Variants in COL27A1 observed in about 807,000 individuals in gnomAD.
The protein encoded by COL27A1 is collagen type XXVII alpha 1 chain, also known as collagen alpha-1(XXVII) chain.
COL27A1 carries 106 observed loss-of-function variants against 251.3 expected under a neutral mutation model. The ratio of observed to expected loss-of-function variants is 0.42; its 90% CI spans 0.36 to 0.50. The LOEUF (loss-of-function observed/expected upper bound fraction) is 0.50. Ranked by LOEUF, COL27A1 falls within the 20% of genes least tolerant of loss-of-function variation. The probability of loss-of-function intolerance (pLI) is 0.00; values close to 1 mark genes in which losing one functional copy is unlikely to be tolerated. For missense variants in COL27A1, 2,325 were observed against 2,522.8 expected, an observed-to-expected ratio of 0.92 and a Z score of 1.68; for synonymous variants, 1,000 against 986.3, an observed-to-expected ratio of 1.01 and a Z score of -0.26.
At chr9:114,184,301 T>C (rs1324939060) in intron 5 of COL27A1, among the ~76,000 whole-genome samples, 2 of 152,360 alleles carry the variant, frequency 1.3e-5, no homozygotes, top group African/African-American at 4.8e-5. Flanking sequence ...CTCCAGGCCA[T>C]GCACAGTGAG....
chr9:114,243,515 T>C lies in COL27A1; in HGVS notation c.2889T>C (p.Pro963=), dbSNP rs958806026. 1.2e-6 allele frequency: 2 copies of C among 1,613,872 alleles called. No individual in the cohort carries two copies. Among genetic ancestry groups the C allele is most frequent in the African/African-American group, 1.3e-5 (1 of 74,916 alleles). The stretch of plus-strand genomic sequence containing the variant: ...CTGTCTCTCTGTTGCAGGGTCAGCC[T>C]GGCAGGAAGGGGTTTCCTGGGAGGC... ...PPGAPGLEGQ[P]GRKGFPGRPG... is the part of the protein sequence containing the mutation. Residue 963 remains proline (P), a synonymous_variant, in exon 23 of 61, where the codon CCT becomes CCC. Coordinates refer to ENST00000356083, the MANE Select transcript of COL27A1 (RefSeq NM_032888.4).
intron 36 of COL27A1, among the ~76,000 whole-genome samples, chr9:114,275,299 G>A (rs546102794): frequency 3.9e-5 from 6 of 152,108 alleles, no homozygotes; most frequent in Non-Finnish European, 5.9e-5. Flanking sequence ...TAAGACTCTT[G>A]TTCTCCCAAT....
chr9:114,270,744 AGGGTGACAGT>A lies in COL27A1; in HGVS notation c.3575_3584del (p.Gly1192AlafsTer8). 6.2e-7 allele frequency: 1 copy of A among 1,612,958 alleles called. No individual in the cohort carries two copies. ...CTTTTCCAGGGAGAGCCAGGCCTTG[AGGGTGACAGT>A]GGCCCCATGGGACCTGATGGGCTGA... On this transcript the variant is annotated frameshift_variant, in exon 36 of 61. Transcript: ENST00000356083. LOFTEE classifies it high-confidence loss of function.
chr9:114,277,367 G>A (rs780359973), intron 37 of COL27A1, among the ~76,000 whole-genome samples: 10 of 152,096 alleles, frequency 6.6e-5, no homozygotes, highest in Non-Finnish European at 1.2e-4. Flanking sequence ...AGTCTCCCTG[G>A]GGTGTCATTT....
At chr9:114,288,588 G>A (rs914700737) in intron 42 of COL27A1, 77 bp downstream of exon 42, 43 of 1,544,148 alleles carry the variant, frequency 2.8e-5, no homozygotes, top group Non-Finnish European at 3.3e-5. Flanking sequence ...AGAGGGGTGG[G>A]CCGATCAGGG....
chr9:114,277,717 T>A (rs890649896), intron 37 of COL27A1, among the ~76,000 whole-genome samples: 2 of 152,144 alleles, frequency 1.3e-5, no homozygotes, highest in African/African-American at 4.8e-5. Flanking sequence ...AAGGGGAATT[T>A]AGCAGGAGGG....
chr9:114,279,368 C>G (rs1564564065), intron 37 of COL27A1, among the ~76,000 whole-genome samples: 1 of 152,234 alleles, frequency 6.6e-6, no homozygotes, highest in Non-Finnish European at 1.5e-5. Flanking sequence ...AATGAGAACA[C>G]AGCACATGGC....
intron 49 of COL27A1, among the ~76,000 whole-genome samples, chr9:114,295,646 T>C (rs1701627644): frequency 6.6e-6 from 1 of 151,782 alleles, no homozygotes; most frequent in Admixed American, 6.6e-5. Flanking sequence ...TACGGACAAC[T>C]GGTTTTTTTT....
chr9:114,262,896 C>T (rs544986921), intron 28 of COL27A1, among the ~76,000 whole-genome samples: 1 of 150,504 alleles, frequency 6.6e-6, no homozygotes, highest in Non-Finnish European at 1.5e-5. Flanking sequence ...GTGGAATTTT[C>T]ACTTTGTTGG....
chr9:114,261,060 G>A (rs1399147559), intron 28 of COL27A1, among the ~76,000 whole-genome samples: 2 of 152,214 alleles, frequency 1.3e-5, no homozygotes, highest in Non-Finnish European at 2.9e-5. Flanking sequence ...AAACGGGTTG[G>A]CAACAGAACA....
At chr9:114,208,858 T>C (rs1395566182) in intron 10 of COL27A1, among the ~76,000 whole-genome samples, 1 of 151,708 alleles carries the variant, frequency 6.6e-6, no homozygotes, top group Non-Finnish European at 1.5e-5. Context: ...CTTTGAAGGA[T>C]TTGGCTCAGA....
At chr9:114,304,814 C>A in intron 57 of COL27A1, 141 bp downstream of exon 57, 2 of 704,576 alleles carry the variant, frequency 2.8e-6, no homozygotes, top group South Asian at 3.5e-5. Context: ...CTCGCATCCA[C>A]AAATGGGGGT....
chr9:114,266,923 T>C (rs1054315908), intron 33 of COL27A1, among the ~76,000 whole-genome samples: 2 of 152,140 alleles, frequency 1.3e-5, no homozygotes, highest in African/African-American at 4.8e-5. Context: ...CTTCCCAACC[T>C]TGACCTTGCT....
intron 16 of COL27A1, among the ~76,000 whole-genome samples, chr9:114,234,684 C>G (rs999694092): frequency 6.6e-6 from 1 of 152,178 alleles, no homozygotes; most frequent in Non-Finnish European, 1.5e-5. Flanking sequence ...AAGACAAACA[C>G]CCAGACTTAA....
At chr9:114,194,557 GCAAAGGCAGGGAGGTGGGAA>G in intron 6 of COL27A1, 100 bp downstream of exon 6, 2 of 1,050,288 alleles carry the variant, frequency 1.9e-6, no homozygotes, top group Non-Finnish European at 2.9e-6. Context: ...GCCATGCATG[GCAAAGGCAGGGAGGTGGGAA>G]CATCTGGAAG....
intron 5 of COL27A1, among the ~76,000 whole-genome samples, chr9:114,184,144 C>T (rs1828151195): frequency 6.6e-6 from 1 of 152,184 alleles, no homozygotes; most frequent in Non-Finnish European, 1.5e-5. Flanking sequence ...GCTCCTGACT[C>T]AGGGGCCTCC....
intron 41 of COL27A1, 123 bp from the exon 42 acceptor site, chr9:114,288,332 T>C (rs1028195446): frequency 4.0e-6 from 4 of 989,742 alleles, no homozygotes; most frequent in Non-Finnish European, 6.3e-6. Flanking sequence ...CTCTCTAGTT[T>C]GTGTCCCCAT....
rs138119695 is a variant in COL27A1, at chr9:114,277,228, G to A, written c.3717+1460G>A. ...TTGTGTGACCCAGGAGTGCTGGGTC[G>A]GTTCAGTTGAACTCCTTGGGACCCG... On this transcript the variant is annotated intron_variant, in intron 37 of 60. Transcript: ENST00000356083. 5.0e-4 allele frequency among the ~76,000 whole-genome samples: 76 copies of A among 152,138 alleles called. 1 individual carries two copies. Among genetic ancestry groups the A allele is most frequent in the East Asian group, 4.5e-3 (23 of 5,168 alleles).
At position 114,206,291 on chromosome 9, in the gene COL27A1, A is replaced by G; in HGVS notation, c.2263A>G (p.Ser755Gly). ...GPVGDPGPKG[S>G]RGYIGLPGLF... ...GGTAGGAGATCCCGGCCCCAAAGGC[A>G]GCAGGGTAAGTGGTTCCTGGCCAGT... Residue 755 changes from serine to glycine, a missense_variant, in exon 10 of 61, where the codon AGC (serine) becomes GGC (glycine). Transcript: ENST00000356083. 6.2e-7 allele frequency: 1 copy of G among 1,614,162 alleles called. No homozygotes were observed. The highest frequency in any genetic ancestry group is 8.5e-7 in the Non-Finnish European group (1 of 1,179,992).
Sources: allele counts gnomAD v4.1 joint callset (sites outside exome capture counted in the v4.1 genomes callset), GRCh38; gene constraint gnomAD v4.1.1; transcripts MANE v1.5; gene names NCBI Gene and HGNC (gene_info 2026-07-23, HGNC 2026-07-21).